Variants in PAQR5 observed in about 807,000 individuals in gnomAD.
PAQR5 encodes the protein membrane progestin receptor gamma.
Under a neutral mutation model 34.5 loss-of-function variants are expected in PAQR5, and 20 were observed. The ratio of observed to expected loss-of-function variants is 0.58; its 90% CI spans 0.41 to 0.84. The LOEUF (loss-of-function observed/expected upper bound fraction) is 0.84. PAQR5 is among the 40% of genes least tolerant of loss of function. The pLI is 0.00. For missense variants in PAQR5, 378 were observed against 412.7 expected (o/e 0.92, Z 0.73); for synonymous variants, 131 against 155.6 (o/e 0.84, Z 1.18).
chr15:69,302,162 C>T (rs919280265), intron 1 of PAQR5, among the ~76,000 whole-genome samples: 8 of 152,046 alleles, frequency 5.3e-5, no homozygotes, highest in African/African-American at 1.9e-4. Flanking sequence ...ACCTCCGCCT[C>T]CCGGTCTCGA....
intron 3 of PAQR5, among the ~76,000 whole-genome samples, chr15:69,370,176 T>C (rs1188432168): frequency 2.3e-4 from 35 of 152,244 alleles, no homozygotes; most frequent in Non-Finnish European, 2.9e-5. Flanking sequence ...CAATCCTTGG[T>C]TCCACCAGCT....
chr15:69,384,627 C>T lies in PAQR5; in HGVS notation c.180-50C>T, dbSNP rs377396936. 16 of 1,223,258 alleles carry T rather than the reference C, an allele frequency of 1.3e-5. No individual in the cohort carries two copies. The South Asian group carries it at 2.0e-4, about 15-fold the overall frequency. 75.8% of individuals were successfully genotyped at this position (1,223,258 alleles called of 1,614,324 possible). ...CTCTGTGTTCATGGTGGAGGGTGAG[C>T]GGGCCCTCTGTGTTCATGGTGGAGG... On this transcript the variant is annotated intron_variant, in intron 4 of 8. Coordinates refer to ENST00000395407, the MANE Select transcript of PAQR5 (RefSeq NM_017705.4).
intron 8 of PAQR5, among the ~76,000 whole-genome samples, chr15:69,402,321 CTTTT>C (rs869050882): frequency 6.9e-6 from 1 of 144,078 alleles, no homozygotes; most frequent in Non-Finnish European, 1.5e-5. Context: ...CCTTTTCTTT[CTTTT>C]TTTTTTTTTT....
At chr15:69,331,498 T>A (rs531498988) in intron 1 of PAQR5, among the ~76,000 whole-genome samples, 11 of 152,302 alleles carry the variant, frequency 7.2e-5, no homozygotes, top group African/African-American at 2.6e-4. Flanking sequence ...TGTGTGTGTC[T>A]GTGTATGTGG....
intron 2 of PAQR5, among the ~76,000 whole-genome samples, chr15:69,351,184 A>T (rs1244120281): frequency 6.6e-6 from 1 of 152,384 alleles, no homozygotes; most frequent in African/African-American, 2.4e-5. Context: ...TCTACCTAGA[A>T]ACATAATAAA....
At chr15:69,394,480 C>T (rs765916856) in intron 6 of PAQR5, among the ~76,000 whole-genome samples, 4 of 152,236 alleles carry the variant, frequency 2.6e-5, no homozygotes, top group Non-Finnish European at 5.9e-5. Context: ...GTGCGTGCGC[C>T]TCTGCAATAG....
chr15:69,397,761 A>G, intron 7 of PAQR5, 197 bp downstream of exon 7: 2 of 603,574 alleles, frequency 3.3e-6, no homozygotes, highest in South Asian at 2.0e-5. Context: ...GAGAAAATAA[A>G]TAAGAAGATT....
intron 1 of PAQR5, among the ~76,000 whole-genome samples, chr15:69,322,728 GAA>G (rs1252295156): frequency 0.062 from 1,918 of 30,952 alleles, 400 homozygotes; most frequent in Non-Finnish European, 0.093. Flanking sequence ...AGAAGAAGAA[GAA>G]GAAGAAGAAG....
chr15:69,324,902 T>C (rs2054211973), intron 1 of PAQR5, among the ~76,000 whole-genome samples: 1 of 151,338 alleles, frequency 6.6e-6, no homozygotes, highest in Non-Finnish European at 1.5e-5. Context: ...TCATTTCTTT[T>C]TTTTTTTTTT....
At chr15:69,367,524 C>T (rs2055434159) in intron 3 of PAQR5, among the ~76,000 whole-genome samples, 1 of 152,178 alleles carries the variant, frequency 6.6e-6, no homozygotes, top group Non-Finnish European at 1.5e-5. Flanking sequence ...AGGCAGCCAT[C>T]TCCTGGCTGC....
At chr15:69,336,848 T>C (rs1007006813) in intron 1 of PAQR5, among the ~76,000 whole-genome samples, 2 of 152,222 alleles carry the variant, frequency 1.3e-5, no homozygotes, top group East Asian at 3.8e-4. Context: ...TTAGTGTACA[T>C]TATTAATAAT....
intron 1 of PAQR5, among the ~76,000 whole-genome samples, chr15:69,319,188 T>C (rs1224071651): frequency 2.2e-4 from 2 of 8,962 alleles, no homozygotes; most frequent in African/African-American, 1.6e-4. Flanking sequence ...TATATATATA[T>C]ATATATATAT....
intron 1 of PAQR5, among the ~76,000 whole-genome samples, chr15:69,333,879 G>GT (rs2054448766): frequency 6.6e-6 from 1 of 152,120 alleles, no homozygotes; most frequent in Admixed American, 6.5e-5. Flanking sequence ...TATGTGTTGT[G>GT]TGTGTGTGTG....
intron 1 of PAQR5, among the ~76,000 whole-genome samples, chr15:69,305,252 C>T (rs1450094307): frequency 2.0e-5 from 3 of 152,158 alleles, no homozygotes; most frequent in Non-Finnish European, 2.9e-5. Flanking sequence ...GCCAAATGTC[C>T]TCTCGGGGAC....
At chr15:69,312,222 C>T (rs1243830008) in intron 1 of PAQR5, among the ~76,000 whole-genome samples, 2 of 151,942 alleles carry the variant, frequency 1.3e-5, no homozygotes, top group African/African-American at 4.8e-5. Context: ...GAGGCAGGGG[C>T]GAGAGGGTCC....
intron 2 of PAQR5, among the ~76,000 whole-genome samples, chr15:69,342,350 T>G (rs905931171): frequency 6.6e-6 from 1 of 152,028 alleles, no homozygotes; most frequent in African/African-American, 2.4e-5. Flanking sequence ...GGGAAAAATA[T>G]CTATTCAAGC....
chr15:69,370,939 A>G (rs1357462753), intron 3 of PAQR5, among the ~76,000 whole-genome samples: 1 of 152,244 alleles, frequency 6.6e-6, no homozygotes, highest in Non-Finnish European at 1.5e-5. Context: ...TAAATGTTAC[A>G]TTGATGAATT....
intron 1 of PAQR5, among the ~76,000 whole-genome samples, chr15:69,330,168 C>T (rs892979500): frequency 4.6e-5 from 7 of 152,166 alleles, no homozygotes; most frequent in African/African-American, 1.4e-4. Context: ...GTCCAGGGTA[C>T]TTGTTACAAT....
chr15:69,358,266 A>T (rs889662159), intron 2 of PAQR5, among the ~76,000 whole-genome samples: 6 of 152,146 alleles, frequency 3.9e-5, no homozygotes. Context: ...TTCATCCTGC[A>T]TTTAAGCAAT....
Sources: gnomAD v4.1 joint callset for allele counts (sites outside exome capture counted in the v4.1 genomes callset) on GRCh38, gnomAD v4.1.1 for gene constraint, MANE v1.5 for transcripts, NCBI Gene and HGNC (gene_info 2026-07-23, HGNC 2026-07-21) for gene names.